THSD7B: variants seen among roughly 807,000 people sequenced by gnomAD.
THSD7B encodes thrombospondin type-1 domain-containing protein 7B.
A neutral mutation model predicts 213.6 loss-of-function variants in THSD7B; 138 were observed. The observed-to-expected ratio is 0.65, with a 90% CI of 0.56 to 0.74. The LOEUF is 0.74. Among genes scored for constraint, THSD7B ranks in the 30% least tolerant of loss-of-function variants. The pLI, the probability that THSD7B is intolerant of heterozygous loss-of-function variation, is 0.00. For synonymous variants in THSD7B, 742 were observed against 687.0 expected (o/e 1.08, Z -1.25); for missense variants, 1,931 against 1,991.5 (o/e 0.97, Z 0.58).
At chr2:137,383,892 C>T (rs1461196832) in intron 12 of THSD7B, among the ~76,000 whole-genome samples, 1 of 152,130 alleles carries the variant, frequency 6.6e-6, no homozygotes, top group African/African-American at 2.4e-5. Context: ...TTTCTGGCCC[C>T]CAGAATCATA....
At chr2:137,159,225 G>C (rs10201921) in intron 5 of THSD7B, among the ~76,000 whole-genome samples, 1 of 151,750 alleles carries the variant, frequency 6.6e-6, no homozygotes, top group African/African-American at 2.4e-5. Flanking sequence ...TGAGCCCAGG[G>C]GTCTCAGAAC....
At chr2:136,938,221 G>A (rs1465008379) in intron 2 of THSD7B, among the ~76,000 whole-genome samples, 1 of 152,132 alleles carries the variant, frequency 6.6e-6, no homozygotes, top group Non-Finnish European at 1.5e-5. Context: ...TTTCTAAACA[G>A]CAGATTGTGA....
rs6704823 is a variant in THSD7B, at chr2:136,943,516, T to G, written c.139+61199T>G. On this transcript the variant is annotated intron_variant, in intron 2 of 27. Transcript: ENST00000409968. ...GCTGTGAATCTGTCTGGTCCTGGAC[T>G]TTTTTTGGTTGGTAAGCTATTAATT... is the stretch of plus-strand genomic sequence containing the variant. Among the ~76,000 whole-genome samples, 1,287 of 152,288 alleles carry G rather than the reference T, an allele frequency of 8.5e-3. 21 individuals are homozygous for G. The highest frequency in any genetic ancestry group is 0.03 in the African/African-American group (1,231 of 41,566).
At chr2:136,890,821 G>A (rs557923583) in intron 2 of THSD7B, among the ~76,000 whole-genome samples, 27 of 151,492 alleles carry the variant, frequency 1.8e-4, no homozygotes, top group African/African-American at 5.3e-4. Flanking sequence ...GATTATAGGC[G>A]TGAGCTACCG....
intron 15 of THSD7B, among the ~76,000 whole-genome samples, chr2:137,463,693 TG>T (rs1191492669): frequency 6.6e-6 from 1 of 152,072 alleles, no homozygotes; most frequent in East Asian, 1.9e-4. Flanking sequence ...ATTGGGTTTT[TG>T]CCTCACAGAG....
intron 12 of THSD7B, among the ~76,000 whole-genome samples, chr2:137,382,841 G>A (rs1311185714): frequency 6.6e-6 from 1 of 152,186 alleles, no homozygotes; most frequent in Non-Finnish European, 1.5e-5. Flanking sequence ...CACTGTTTAA[G>A]GAAGGGTGTC....
chr2:137,615,498 C>A lies in THSD7B; in HGVS notation c.3424-677C>A, dbSNP rs1031072964. Among the ~76,000 whole-genome samples, 11 of 152,084 alleles carry A rather than the reference C, an allele frequency of 7.2e-5. No homozygotes were observed. The South Asian group carries it at 8.3e-4, about 11-fold the overall frequency. On this transcript the variant is annotated intron_variant, in intron 17 of 27. Transcript: ENST00000409968. ...ATCTGGCAGGCCGGTTGACCTGGGTCAAGAACATTATAGGAACTGAGGCTA... is the reference window on the plus strand; with the variant it reads ...ATCTGGCAGGCCGGTTGACCTGGGTAAAGAACATTATAGGAACTGAGGCTA...
intron 2 of THSD7B, among the ~76,000 whole-genome samples, chr2:136,996,189 T>G (rs1685884194): frequency 6.6e-6 from 1 of 152,218 alleles, no homozygotes; most frequent in Non-Finnish European, 1.5e-5. Flanking sequence ...TCTGTCTGTG[T>G]GCACTAAGCT....
intron 7 of THSD7B, among the ~76,000 whole-genome samples, chr2:137,210,294 A>G (rs373903342): frequency 2.6e-5 from 4 of 152,208 alleles, no homozygotes; most frequent in South Asian, 2.1e-4. Context: ...ATTACCATGA[A>G]GTAATCAATA....
At chr2:136,936,823 AT>A (rs35855225) in intron 2 of THSD7B, among the ~76,000 whole-genome samples, 1 of 150,854 alleles carries the variant, frequency 6.6e-6, no homozygotes, top group African/African-American at 2.5e-5. Context: ...TATGGAAATA[AT>A]TTTTTTTAAA....
At chr2:137,212,569 G>C (rs1329137677) in intron 7 of THSD7B, among the ~76,000 whole-genome samples, 1 of 151,976 alleles carries the variant, frequency 6.6e-6, no homozygotes, top group African/African-American at 2.4e-5. Flanking sequence ...GGACTAATTG[G>C]CTTTCAAAAT....
intron 3 of THSD7B, 97 bp downstream of exon 3, chr2:137,057,327 C>A: frequency 8.2e-7 from 1 of 1,217,942 alleles, no homozygotes; most frequent in Non-Finnish European, 1.1e-6. Context: ...GCGAAAATGG[C>A]AACGAGGTTT....
chr2:137,575,414 G>A (rs902815564), intron 17 of THSD7B, among the ~76,000 whole-genome samples: 29 of 152,014 alleles, frequency 1.9e-4, no homozygotes, highest in African/African-American at 6.0e-4. Context: ...GAAATAAAAT[G>A]TCACCTCCAT....
chr2:136,913,082 T>C (rs911174768), intron 2 of THSD7B, among the ~76,000 whole-genome samples: 4 of 152,204 alleles, frequency 2.6e-5, no homozygotes, highest in Non-Finnish European at 5.9e-5. Flanking sequence ...GATAGTGATA[T>C]GGACAACAAA....
chr2:137,534,013 T>TGC (rs551702770), intron 15 of THSD7B, among the ~76,000 whole-genome samples: 5,869 of 146,244 alleles, frequency 0.04, 206 homozygotes, highest in African/African-American at 0.097. Context: ...TGTGTGTGTG[T>TGC]GCGCGCACAC....
At chr2:136,994,481 G>A (rs1162662842) in intron 2 of THSD7B, among the ~76,000 whole-genome samples, 1 of 152,122 alleles carries the variant, frequency 6.6e-6, no homozygotes, top group Non-Finnish European at 1.5e-5. Context: ...GCAGGAGAAT[G>A]GCATGAACCC....
intron 17 of THSD7B, among the ~76,000 whole-genome samples, chr2:137,585,176 G>T (rs1319789440): frequency 6.6e-6 from 1 of 152,140 alleles, no homozygotes; most frequent in Non-Finnish European, 1.5e-5. Flanking sequence ...TGTGGGATCA[G>T]TGGTGATATC....
chr2:137,606,545 CAG>C (rs1024287779), intron 17 of THSD7B, among the ~76,000 whole-genome samples: 1 of 152,074 alleles, frequency 6.6e-6, no homozygotes, highest in African/African-American at 2.4e-5. Context: ...AATATTAAAA[CAG>C]AAATGTCATA....
At chr2:136,768,941 G>A (rs923207298) in intron 1 of THSD7B, among the ~76,000 whole-genome samples, 1 of 152,172 alleles carries the variant, frequency 6.6e-6, no homozygotes, top group Non-Finnish European at 1.5e-5. Context: ...TTAAACCTGT[G>A]AAAGTAGAGG....
Sources: allele counts gnomAD v4.1 joint callset (sites outside exome capture counted in the v4.1 genomes callset), GRCh38; gene constraint gnomAD v4.1.1; transcripts MANE v1.5; gene names NCBI Gene and HGNC (gene_info 2026-07-23, HGNC 2026-07-21).